The following PARPBP variants were observed in gnomAD, a reference collection of about 807,000 sequenced individuals.
The protein encoded by PARPBP is PCNA-interacting partner.
Under a neutral mutation model 50.0 loss-of-function variants are expected in PARPBP, and 52 were observed. That is an observed-to-expected ratio of 1.04 (90% CI 0.83 to 1.31). The LOEUF (loss-of-function observed/expected upper bound fraction) is 1.31, where lower values mean the gene tolerates loss of function less well. Among genes scored for constraint, PARPBP ranks in the 50% most tolerant of loss-of-function variants. The pLI is 0.00. For synonymous variants in PARPBP, 244 were observed against 232.1 expected (o/e 1.05, Z -0.47); for missense variants, 697 against 672.0 (o/e 1.04, Z -0.41).
Position 102,148,201 on chromosome 12 carries a change from T to C in PARPBP, c.154-29T>C, listed in dbSNP as rs751263978. The C allele has an allele frequency of 7.6e-6, 7 of 920,760 alleles. No homozygotes were observed. In the Admixed American group the frequency reaches 2.0e-4, roughly 26 times the overall value. 57.0% of individuals were successfully genotyped at this position (920,760 alleles called of 1,614,324 possible). A position where few individuals can be genotyped will look rare whatever the true frequency, so the allele number is the denominator to read the frequency against. Reference sequence around the variant, plus strand: ...GAATATTCTGGTACCCAACTTTATTTTTTTTTTTTTTGGCATTATCTTTTT... The same window carrying C: ...GAATATTCTGGTACCCAACTTTATTCTTTTTTTTTTTGGCATTATCTTTTT... On this transcript the variant is annotated intron_variant, in intron 2 of 10. Coordinates refer to ENST00000327680, the MANE Select transcript of PARPBP (RefSeq NM_017915.5).
rs375822243 is a variant in PARPBP at position 102,169,370 on chromosome 12, A to G, written c.821+3487A>G. Reference sequence around the variant, plus strand: ...GAGTTTCAGAAACATATCTTCAACTATCTTTAAGATGGTGCCTCACAGGCA... The same window carrying G: ...GAGTTTCAGAAACATATCTTCAACTGTCTTTAAGATGGTGCCTCACAGGCA... On this transcript the variant is annotated intron_variant, in intron 6 of 10. Coordinates refer to ENST00000327680, the MANE Select transcript of PARPBP (RefSeq NM_017915.5). 4.6e-5 allele frequency among the ~76,000 whole-genome samples: 7 copies of G among 152,298 alleles called. No homozygotes were observed. The East Asian group carries it at 7.7e-4, about 17-fold the overall frequency.
At chr12:102,173,252 A>G (rs1594591634) in intron 6 of PARPBP, among the ~76,000 whole-genome samples, 1 of 152,182 alleles carries the variant, frequency 6.6e-6, no homozygotes, top group Non-Finnish European at 1.5e-5. Flanking sequence ...TAAACTAAGA[A>G]TAAGGGCTTT....
intron 2 of PARPBP, among the ~76,000 whole-genome samples, chr12:102,136,822 A>G (rs1373764986): frequency 6.6e-6 from 1 of 152,180 alleles, no homozygotes; most frequent in East Asian, 1.9e-4. Flanking sequence ...CTGCGGGTGC[A>G]TTCGTGAGTA....
intron 8 of PARPBP, among the ~76,000 whole-genome samples, chr12:102,181,047 G>T (rs571687226): frequency 6.6e-6 from 1 of 152,206 alleles, no homozygotes; most frequent in East Asian, 1.9e-4. Context: ...TATAGGGTGG[G>T]TCTTCTCCTT....
chr12:102,121,545 CTTTTTTTTTTTTTTT>C (rs35855638), intron 1 of PARPBP, among the ~76,000 whole-genome samples: 2,015 of 87,224 alleles, frequency 0.023, 79 homozygotes, highest in African/African-American at 0.088. Flanking sequence ...TAGTAATGCT[CTTTTTTTTTTTTTTT>C]TTTTTTTTTT....
chr12:102,168,523 A>C (rs759541996), intron 6 of PARPBP, among the ~76,000 whole-genome samples: 29 of 152,164 alleles, frequency 1.9e-4, no homozygotes, highest in Non-Finnish European at 1.8e-4. Context: ...TTTGTTCTGC[A>C]GTAGGTATAG....
At chr12:102,145,605 A>G (rs1885236104) in intron 2 of PARPBP, among the ~76,000 whole-genome samples, 1 of 152,332 alleles carries the variant, frequency 6.6e-6, no homozygotes, top group South Asian at 2.1e-4. Flanking sequence ...ATAGTTAGAT[A>G]AAATATTAGC....
intron 1 of PARPBP, 57 bp downstream of exon 1, chr12:102,120,343 T>C (rs1880794401): frequency 2.6e-6 from 1 of 385,742 alleles, no homozygotes; most frequent in Non-Finnish European, 5.3e-6. Context: ...TGATTCAGGC[T>C]GTGGCTTTTG....
chr12:102,184,852 A>G (rs1429428004), intron 9 of PARPBP, among the ~76,000 whole-genome samples: 1 of 152,182 alleles, frequency 6.6e-6, no homozygotes, highest in East Asian at 1.9e-4. Context: ...GTTCCTATGG[A>G]AAAGTAGTTT....
intron 2 of PARPBP, among the ~76,000 whole-genome samples, chr12:102,135,536 C>CAA (rs34890863): frequency 0.01 from 506 of 49,958 alleles, 9 homozygotes; most frequent in African/African-American, 0.03. Context: ...ACTCCGTCTC[C>CAA]AAAAAAAAAA....
chr12:102,166,159 T>A (rs920890442), intron 6 of PARPBP, among the ~76,000 whole-genome samples: 1 of 152,170 alleles, frequency 6.6e-6, no homozygotes, highest in African/African-American at 2.4e-5. Context: ...AAATAGATTT[T>A]TGAGGACTGG....
In PARPBP at chr12:102,175,643, A is replaced by C. The variant is rs1889194375; in HGVS notation, c.982A>C (p.Thr328Pro). The change falls in exon 7 of 11, where the codon ACC (threonine) becomes CCC (proline). Residue 328 changes from threonine (T) to proline (P), a missense_variant. Transcript: ENST00000327680. ...NSQEGVVALS[T>P]TDISPARPKS... ...TCAAGAAGGTGTTGTAGCTCTTAGC[A>C]CCACTGACATCAGTCCTGCTCGGGT... 1 of 1,612,754 alleles carries C rather than the reference A, an allele frequency of 6.2e-7. No individual in the cohort carries two copies. Among genetic ancestry groups the C allele is most frequent in the Admixed American group, 1.7e-5 (1 of 59,980 alleles).
intron 4 of PARPBP, among the ~76,000 whole-genome samples, chr12:102,156,705 G>A (rs770539497): frequency 9.2e-5 from 14 of 151,904 alleles, no homozygotes; most frequent in African/African-American, 2.2e-4. Flanking sequence ...AGTGTGGCAC[G>A]ATCTCCACTT....
At chr12:102,148,757 A>G (rs1885776489) in intron 3 of PARPBP, 2 of 252,110 alleles carry the variant, frequency 7.9e-6, no homozygotes, top group South Asian at 1.5e-4. Flanking sequence ...TTTTTGAATC[A>G]TGTCAAAGAT....
intron 8 of PARPBP, among the ~76,000 whole-genome samples, chr12:102,180,953 G>C (rs1446055954): frequency 6.6e-6 from 1 of 152,258 alleles, no homozygotes; most frequent in Non-Finnish European, 1.5e-5. Context: ...GTAGTCATTT[G>C]AGTCAAGGGG....
At chr12:102,182,389 T>C (rs1229101933) in intron 8 of PARPBP, among the ~76,000 whole-genome samples, 160 bp from the exon 9 acceptor site, 1 of 152,194 alleles carries the variant, frequency 6.6e-6, no homozygotes, top group Non-Finnish European at 1.5e-5. Context: ...TTTGACTTAA[T>C]GGTATTTTTA....
At chr12:102,154,925 A>G (rs1348783026) in intron 4 of PARPBP, 3 of 418,396 alleles carry the variant, frequency 7.2e-6, no homozygotes, top group Non-Finnish European at 1.4e-5. Context: ...ATGAGACGTC[A>G]TCTACATAAT....
chr12:102,185,087 A>G (rs897186253), intron 9 of PARPBP, among the ~76,000 whole-genome samples: 4 of 152,178 alleles, frequency 2.6e-5, no homozygotes, highest in African/African-American at 7.2e-5. Flanking sequence ...TCATTCTTAA[A>G]TAGAAATAGA....
intron 4 of PARPBP, among the ~76,000 whole-genome samples, chr12:102,161,433 T>TTAAA (rs1887580466): frequency 2.0e-5 from 3 of 152,204 alleles, no homozygotes; most frequent in Non-Finnish European, 4.4e-5. Flanking sequence ...AATAGATTTT[T>TTAAA]AATTTTGAAA....
Sources: allele counts gnomAD v4.1 joint callset (sites outside exome capture counted in the v4.1 genomes callset), GRCh38; gene constraint gnomAD v4.1.1; transcripts MANE v1.5; gene names NCBI Gene and HGNC (gene_info 2026-07-23, HGNC 2026-07-21).